The following ZMYND8 variants were observed in gnomAD, a reference collection of about 807,000 sequenced individuals.
ZMYND8 encodes zinc finger MYND-type containing 8.
In ZMYND8, 37 loss-of-function variants were observed where a neutral mutation model predicts 140.8. The ratio of observed to expected loss-of-function variants is 0.26; its 90% CI spans 0.20 to 0.35. The LOEUF (loss-of-function observed/expected upper bound fraction) is 0.35, where lower values mean the gene tolerates loss of function less well. ZMYND8 is among the 10% of genes least tolerant of loss of function. The pLI is 1.00. For missense variants in ZMYND8, 1,068 were observed against 1,570.0 expected, an observed-to-expected ratio of 0.68 and a Z score of 5.40; for synonymous variants, 592 against 597.1, an observed-to-expected ratio of 0.99 and a Z score of 0.12.
intron 1 of ZMYND8, chr20:47,350,001 G>A: frequency 6.7e-7 from 1 of 1,497,360 alleles, no homozygotes; most frequent in Non-Finnish European, 8.9e-7. Flanking sequence ...GAGAGACGAG[G>A]AAAATGCAAA....
Position 47,227,266 on chromosome 20 carries a change from T to G in ZMYND8, c.2953A>C (p.Ile985Leu). The G allele has an allele frequency of 6.2e-7, 1 of 1,614,202 alleles. No individual in the cohort carries two copies. Among genetic ancestry groups the G allele is most frequent in the Non-Finnish European group, 8.5e-7 (1 of 1,180,028 alleles). Reference protein sequence around the residue: ...STIAEIRRLRIEIEKLQWLHQ... With the variant: ...STIAEIRRLRLEIEKLQWLHQ... ...AGCCACTGGAGCTTCTCTATCTCGA[T>G]CCTCAGCCTGCGAATCTGGAAGAGG... Residue 985 changes from isoleucine to leucine, a missense_variant, in exon 18 of 23, where the codon ATC becomes CTC. By Grantham distance (5) the Ile-to-Leu change is conservative. Around this residue, in one of 10 missense-constraint regions of ZMYND8, gnomAD observed 87 missense variants for 151.1 expected, o/e 0.58. Transcript: ENST00000471951.
chr20:47,235,097 A>G lies in ZMYND8; in HGVS notation c.2856+1229T>C, dbSNP rs543273414. On this transcript the variant is annotated intron_variant, in intron 16 of 22. Coordinates refer to ENST00000471951, the MANE Select transcript of ZMYND8 (RefSeq NM_001281775.3). ...CTCATCAGTAAAGAATAAATTATTA[A>G]CTACTTAGTAATTTACTAACTAATC... Among the ~76,000 whole-genome samples the G allele has an allele frequency of 1.3e-4, 20 of 152,354 alleles. No individual in the cohort carries two copies. The East Asian group carries it at 3.7e-3, about 28-fold the overall frequency.
intron 1 of ZMYND8, among the ~76,000 whole-genome samples, chr20:47,355,849 TC>T (rs1307231450): frequency 5.6e-4 from 78 of 139,372 alleles, no homozygotes; most frequent in African/African-American, 2.0e-3. Context: ...CACCCCCCAG[TC>T]CCCATCCCTA....
At position 47,310,198 on chromosome 20, in the gene ZMYND8, C is replaced by T. The variant is rs772034832; in HGVS notation, c.92G>A (p.Gly31Asp). The T allele has an allele frequency of 6.2e-7, 1 of 1,603,678 alleles. No homozygotes were observed. Among genetic ancestry groups the T allele is most frequent in the South Asian group, 1.1e-5 (1 of 89,186 alleles). ...TTTCTGGGCTGTTCTCTCTGCAGAG[C>T]CAGGATCTGAAAGAGATACAGGACC... ...MDISTRSKDP[G>D]SAERTAQKRK... is the part of the protein sequence containing the mutation. Residue 31 changes from glycine to aspartate, a missense_variant, in exon 3 of 23, where the codon GGC (glycine) becomes GAC (aspartate). Physicochemically the swap from Gly to Asp is moderately conservative, Grantham distance 94 (BLOSUM62 -1). Coordinates refer to ENST00000471951, the MANE Select transcript of ZMYND8 (RefSeq NM_001281775.3).
intron 11 of ZMYND8, among the ~76,000 whole-genome samples, chr20:47,274,179 T>A (rs2076123233): frequency 6.6e-6 from 1 of 152,232 alleles, no homozygotes; most frequent in African/African-American, 2.4e-5. Context: ...TATATTCCTA[T>A]AAAACTGAAT....
chr20:47,259,951 C>A (rs1027939720), intron 12 of ZMYND8, among the ~76,000 whole-genome samples: 1 of 152,144 alleles, frequency 6.6e-6, no homozygotes, highest in Non-Finnish European at 1.5e-5. Flanking sequence ...ACAGGGAACC[C>A]TAATTCCTGC....
chr20:47,255,826 A>G (rs1003938272), intron 12 of ZMYND8, among the ~76,000 whole-genome samples: 13 of 142,392 alleles, frequency 9.1e-5, no homozygotes, highest in African/African-American at 1.8e-4. Context: ...ATTTGTATGT[A>G]TATATATATA....
intron 12 of ZMYND8, 36 bp downstream of exon 12, chr20:47,262,252 T>C: frequency 6.2e-7 from 1 of 1,613,680 alleles, no homozygotes. Flanking sequence ...TATCCACAGT[T>C]GCCACAGAAA....
chr20:47,261,238 A>G (rs1244389758), intron 12 of ZMYND8, among the ~76,000 whole-genome samples: 1 of 151,852 alleles, frequency 6.6e-6, no homozygotes, highest in Non-Finnish European at 1.5e-5. Flanking sequence ...AATAATAATA[A>G]TAAGGAATCA....
chr20:47,252,855 G>A (rs1221056250), intron 12 of ZMYND8, among the ~76,000 whole-genome samples: 1 of 152,242 alleles, frequency 6.6e-6, no homozygotes, highest in Non-Finnish European at 1.5e-5. Context: ...GGAGGCAGAG[G>A]TTGCAGTGAG....
intron 2 of ZMYND8, among the ~76,000 whole-genome samples, chr20:47,328,192 A>C (rs1052114319): frequency 3.3e-5 from 5 of 152,200 alleles, no homozygotes; most frequent in South Asian, 2.1e-4. Flanking sequence ...TAAGGTAAAG[A>C]GAGGGATCAG....
chr20:47,330,038 A>G (rs2080801647), intron 2 of ZMYND8, among the ~76,000 whole-genome samples: 1 of 152,188 alleles, frequency 6.6e-6, no homozygotes, highest in Non-Finnish European at 1.5e-5. Context: ...TTTGGAACCT[A>G]AAAGAACTTC....
chr20:47,228,492 T>C (rs2038021002), intron 17 of ZMYND8, among the ~76,000 whole-genome samples: 1 of 152,254 alleles, frequency 6.6e-6, no homozygotes, highest in Admixed American at 6.5e-5. Flanking sequence ...GAACCTGTAT[T>C]TTCAACCACA....
intron 7 of ZMYND8, among the ~76,000 whole-genome samples, chr20:47,288,201 T>C (rs1219756906): frequency 6.6e-6 from 1 of 152,210 alleles, no homozygotes; most frequent in Non-Finnish European, 1.5e-5. Context: ...GCACTGGAGC[T>C]GCCAACAGCG....
At chr20:47,309,706 G>A (rs573165478) in intron 3 of ZMYND8, among the ~76,000 whole-genome samples, 12 of 152,066 alleles carry the variant, frequency 7.9e-5, no homozygotes, top group African/African-American at 2.4e-4. Flanking sequence ...CTAGTCCTGT[G>A]GGCATGGCCC....
chr20:47,343,036 T>C lies in ZMYND8; in HGVS notation c.85+4820A>G, dbSNP rs140604816. ...GGTTCACACCTGTAACCCCAGCACT[T>C]TGGGAGGCCAAAGTGGTAGGATCAC... On this transcript the variant is annotated intron_variant, in intron 2 of 22. Coordinates refer to ENST00000471951, the MANE Select transcript of ZMYND8 (RefSeq NM_001281775.3). 6.6e-5 allele frequency among the ~76,000 whole-genome samples: 10 copies of C among 152,134 alleles called. No individual in the cohort carries two copies. The East Asian group carries it at 1.5e-3, about 24-fold the overall frequency.
At chr20:47,259,843 C>T (rs546159821) in intron 12 of ZMYND8, among the ~76,000 whole-genome samples, 68 of 152,276 alleles carry the variant, frequency 4.5e-4, no homozygotes, top group African/African-American at 1.6e-3. Context: ...GCAGTGTCCC[C>T]ATCACCCCCT....
intron 20 of ZMYND8, 64 bp downstream of exon 20, chr20:47,221,250 G>C (rs1255899125): frequency 1.3e-6 from 2 of 1,582,798 alleles, no homozygotes; most frequent in Non-Finnish European, 1.7e-6. Context: ...GCAGACAGGG[G>C]GTCCTAAGTC....
intron 3 of ZMYND8, among the ~76,000 whole-genome samples, chr20:47,305,963 G>A (rs905544726): frequency 3.9e-5 from 6 of 152,130 alleles, no homozygotes; most frequent in Non-Finnish European, 7.4e-5. Context: ...TCCACAAAAC[G>A]CCGAGAGCAT....
Sources: allele counts gnomAD v4.1 joint callset (sites outside exome capture counted in the v4.1 genomes callset), GRCh38; gene constraint gnomAD v4.1.1; regional missense constraint gnomAD v4.1.1; transcripts MANE v1.5; gene names NCBI Gene and HGNC (gene_info 2026-07-23, HGNC 2026-07-21).